Variants in HADHA observed in about 807,000 individuals in gnomAD.
HADHA encodes hydroxyacyl-CoA dehydrogenase trifunctional multienzyme complex subunit alpha, also known as trifunctional enzyme subunit alpha, mitochondrial.
Under a neutral mutation model 91.3 loss-of-function variants are expected in HADHA, and 59 were observed. The ratio of observed to expected loss-of-function variants is 0.65; its 90% CI spans 0.52 to 0.80. HADHA has a LOEUF of 0.80. HADHA is among the 30% of genes least tolerant of loss of function. HADHA has a pLI of 0.00. For synonymous variants in HADHA, 320 were observed against 338.9 expected (o/e 0.94, Z 0.61); for missense variants, 800 against 927.6 (o/e 0.86, Z 1.79).
chr2:26,233,174 G>T (rs978303599), intron 5 of HADHA, among the ~76,000 whole-genome samples: 3 of 152,210 alleles, frequency 2.0e-5, no homozygotes. Context: ...CTCACCTCCT[G>T]CTGTGGGGCC....
At chr2:26,223,396 T>A (rs1670419170) in intron 7 of HADHA, among the ~76,000 whole-genome samples, 1 of 152,310 alleles carries the variant, frequency 6.6e-6, no homozygotes, top group Middle Eastern at 3.4e-3. Context: ...CCAGTTCACA[T>A]GGGACTGCTA....
At chr2:26,206,577 T>C (rs1306182197) in intron 11 of HADHA, among the ~76,000 whole-genome samples, 2 of 152,218 alleles carry the variant, frequency 1.3e-5, no homozygotes, top group African/African-American at 4.8e-5. Flanking sequence ...AGTTCATGCA[T>C]GGTTCACGGA....
chr2:26,236,322 T>G (rs1158813668), intron 4 of HADHA, among the ~76,000 whole-genome samples: 1 of 151,310 alleles, frequency 6.6e-6, no homozygotes, highest in Non-Finnish European at 1.5e-5. Flanking sequence ...AGGGGTGAGA[T>G]TTCTCTAGAT....
In HADHA at chr2:26,192,389, C is replaced by G; in HGVS notation, c.1921G>C (p.Glu641Gln). Residue 641 changes from glutamate to glutamine, a missense_variant, in exon 18 of 20, where the codon GAG (glutamate) becomes CAG (glutamine). Transcript: ENST00000380649. ...TTCAAATCCTTCCTCTTCACACCCT[C>G]CTGATAGATGTAAAAGCCCTTCCCA... is the stretch of plus-strand genomic sequence containing the variant. ...KSGKGFYIYQ[E>Q]GVKRKDLNSD... 1.9e-6 allele frequency: 3 copies of G among 1,607,220 alleles called. No individual in the cohort carries two copies. The highest frequency in any genetic ancestry group is 3.3e-4 in the Middle Eastern group (2 of 6,048).
rs139142325 is a variant in HADHA at position 26,216,668 on chromosome 2, A to C, written c.677-1493T>G. On this transcript the variant is annotated intron_variant, in intron 7 of 19. Transcript: ENST00000380649. ...TGTGGGGAAGGAGGAATAATAACTA[A>C]GCCCAAAACTTTGGAGTGACAAAAG... Among the ~76,000 whole-genome samples, 775 of 152,184 alleles carry C rather than the reference A, an allele frequency of 5.1e-3. 8 individuals carry two copies. The highest frequency in any genetic ancestry group is 0.018 in the African/African-American group (744 of 41,510).
intron 9 of HADHA, among the ~76,000 whole-genome samples, chr2:26,213,318 T>C (rs971085461): frequency 1.3e-5 from 2 of 152,238 alleles, no homozygotes; most frequent in Non-Finnish European, 2.9e-5. Flanking sequence ...GTTTTGCTAA[T>C]TCACTGCTCT....
At chr2:26,237,053 T>C (rs943925755) in intron 3 of HADHA, 65 bp from the exon 4 acceptor site, 8 of 1,080,486 alleles carry the variant, frequency 7.4e-6, no homozygotes, top group Admixed American at 5.1e-5. Flanking sequence ...CGTACCACCA[T>C]CAAATGCTAT....
chr2:26,192,220 A>T (rs990160893), intron 18 of HADHA, 90 bp downstream of exon 18: 8 of 164,118 alleles, frequency 4.9e-5, no homozygotes, highest in Non-Finnish European at 8.6e-5. Context: ...TTAAAGTATT[A>T]AAAAAAAAAA....
chr2:26,214,582 A>G lies in HADHA; in HGVS notation c.800-21T>C. 8.1e-7 allele frequency: 1 copy of G among 1,239,420 alleles called. No individual in the cohort carries two copies. The highest frequency in any genetic ancestry group is 1.2e-5 in the South Asian group (1 of 83,480). 76.8% of individuals were successfully genotyped at this position (1,239,420 alleles called of 1,614,324 possible). On this transcript the variant is annotated intron_variant, in intron 8 of 19. Coordinates refer to ENST00000380649, the MANE Select transcript of HADHA (RefSeq NM_000182.5). The surrounding 1 kb of genome is among the most constrained non-coding windows in gnomAD (Gnocchi z 4.1). ...CAATTCTGTAAAATAAAATGCTTTT[A>G]GATATTTACTATAAAGAGCCTAGAT...
At chr2:26,203,627 C>T (rs1353800382) in intron 12 of HADHA, among the ~76,000 whole-genome samples, 1 of 152,156 alleles carries the variant, frequency 6.6e-6, no homozygotes, top group Non-Finnish European at 1.5e-5. Flanking sequence ...CAGTTACTGC[C>T]CATTTCCTTA....
intron 5 of HADHA, 31 bp downstream of exon 5, chr2:26,234,186 C>T: frequency 6.2e-7 from 1 of 1,604,574 alleles, no homozygotes; most frequent in Non-Finnish European, 8.5e-7. Flanking sequence ...ATGAGTTGGA[C>T]AGTGTCTCAA....
chr2:26,228,183 T>C (rs1028285445), intron 7 of HADHA, among the ~76,000 whole-genome samples: 3 of 151,410 alleles, frequency 2.0e-5, no homozygotes, highest in Non-Finnish European at 2.9e-5. Flanking sequence ...CAGGCTGGAG[T>C]GCAGTGGCAC....
chr2:26,234,679 C>G (rs1245907795), intron 4 of HADHA, among the ~76,000 whole-genome samples: 1 of 150,634 alleles, frequency 6.6e-6, no homozygotes, highest in East Asian at 2.0e-4. Flanking sequence ...GGCAGGAGAA[C>G]AGTGTGAAAC....
At chr2:26,217,154 A>G (rs1670241417) in intron 7 of HADHA, among the ~76,000 whole-genome samples, 1 of 152,080 alleles carries the variant, frequency 6.6e-6, no homozygotes. Context: ...CCAGTAGCTC[A>G]AGGACCAGAC....
chr2:26,193,207 C>T (rs1274516317), intron 17 of HADHA, among the ~76,000 whole-genome samples: 1 of 151,684 alleles, frequency 6.6e-6, no homozygotes, highest in Non-Finnish European at 1.5e-5. Context: ...TAACTTGGAC[C>T]AGGTGATGCT....
At chr2:26,192,168 C>T (rs1380031315) in intron 18 of HADHA, 142 bp downstream of exon 18, 10 of 626,692 alleles carry the variant, frequency 1.6e-5, no homozygotes, top group African/African-American at 1.9e-5. Flanking sequence ...CACCATGGCA[C>T]GTGTATACCT....
intron 1 of HADHA, among the ~76,000 whole-genome samples, chr2:26,243,676 TTAA>T (rs1210260121): frequency 6.6e-6 from 1 of 152,200 alleles, no homozygotes; most frequent in African/African-American, 2.4e-5. Flanking sequence ...AAATTTCTAG[TTAA>T]GTAACTTATT....
chr2:26,196,400 G>A (rs769474415), intron 14 of HADHA, among the ~76,000 whole-genome samples: 3 of 152,184 alleles, frequency 2.0e-5, no homozygotes, highest in Non-Finnish European at 4.4e-5. Context: ...CTTTATTGAT[G>A]TAGAATTTCT....
chr2:26,228,948 A>G (rs58237021), intron 7 of HADHA, among the ~76,000 whole-genome samples: 1,799 of 152,216 alleles, frequency 0.012, 38 homozygotes, highest in African/African-American at 0.04. Context: ...CCAAAATGCT[A>G]TGATTACAGG....
Sources: allele counts gnomAD v4.1 joint callset (sites outside exome capture counted in the v4.1 genomes callset), GRCh38; gene constraint gnomAD v4.1.1; non-coding constraint Gnocchi (gnomAD v3.1); transcripts MANE v1.5; gene names NCBI Gene and HGNC (gene_info 2026-07-23, HGNC 2026-07-21).